MEI4: variants seen among roughly 807,000 people sequenced by gnomAD.
MEI4 encodes meiosis-specific protein MEI4.
In MEI4, 27 loss-of-function variants were observed where a neutral mutation model predicts 31.4. The observed-to-expected ratio is 0.86, with a 90% CI of 0.63 to 1.19. The LOEUF (loss-of-function observed/expected upper bound fraction) is 1.19, where lower values mean the gene tolerates loss of function less well. MEI4 is among the 50% of genes most tolerant of loss of function. MEI4 has a pLI of 0.00. For missense variants in MEI4, 329 were observed against 398.9 expected, an observed-to-expected ratio of 0.82 and a Z score of 1.49; for synonymous variants, 122 against 145.4, an observed-to-expected ratio of 0.84 and a Z score of 1.16.
chr6:77,912,205 A>G (rs1384609666), intron 4 of MEI4, among the ~76,000 whole-genome samples: 1 of 152,060 alleles, frequency 6.6e-6, no homozygotes, highest in African/African-American at 2.4e-5. Context: ...TTATACCAAT[A>G]CTATATTGTT....
chr6:77,865,847 C>A (rs1215424220), intron 4 of MEI4, among the ~76,000 whole-genome samples: 1 of 152,066 alleles, frequency 6.6e-6, no homozygotes, highest in Non-Finnish European at 1.5e-5. Flanking sequence ...ACTGGCAAAC[C>A]GAATCCAGCA....
intron 3 of MEI4, among the ~76,000 whole-genome samples, chr6:77,782,214 A>G (rs1227730437): frequency 1.3e-5 from 2 of 152,008 alleles, no homozygotes; most frequent in African/African-American, 4.8e-5. Flanking sequence ...TAAGGGAGGG[A>G]TGAGAGAAGG....
chr6:77,671,684 G>T (rs1368058826), intron 1 of MEI4, among the ~76,000 whole-genome samples: 1 of 134,268 alleles, frequency 7.4e-6, no homozygotes, highest in Non-Finnish European at 1.6e-5. Context: ...TATCTATAAG[G>T]CCTTTGTCTC....
At chr6:77,669,249 G>A (rs2127645045) in intron 1 of MEI4, among the ~76,000 whole-genome samples, 1 of 152,222 alleles carries the variant, frequency 6.6e-6, no homozygotes, top group East Asian at 1.9e-4. Context: ...ACATACACAT[G>A]TACACTTGAG....
intron 3 of MEI4, among the ~76,000 whole-genome samples, chr6:77,797,302 AC>A (rs2127698551): frequency 6.6e-6 from 1 of 152,338 alleles, no homozygotes; most frequent in South Asian, 2.1e-4. Context: ...TGGATATGAC[AC>A]CAAAGCACAG....
At chr6:77,808,803 G>A (rs974965028) in intron 3 of MEI4, among the ~76,000 whole-genome samples, 6 of 152,190 alleles carry the variant, frequency 3.9e-5, no homozygotes, top group African/African-American at 1.4e-4. Flanking sequence ...AAGAAGTGGA[G>A]CATCAGTAGG....
intron 3 of MEI4, among the ~76,000 whole-genome samples, chr6:77,781,000 C>T (rs9352528): frequency 0.14 from 20,941 of 152,066 alleles, 1,535 homozygotes; most frequent in Middle Eastern, 0.21. Flanking sequence ...GATCCTCTGA[C>T]CTCAGCCTCT....
intron 4 of MEI4, among the ~76,000 whole-genome samples, chr6:77,916,902 A>G (rs1766568456): frequency 1.3e-5 from 2 of 150,802 alleles, no homozygotes; most frequent in Non-Finnish European, 1.5e-5. Flanking sequence ...TATATCTCCC[A>G]ATGCTATCCC....
At chr6:77,716,796 A>ATG in intron 2 of MEI4, 1 of 703,822 alleles carries the variant, frequency 1.4e-6, no homozygotes, top group Non-Finnish European at 1.7e-6. Flanking sequence ...CAAACACTGC[A>ATG]TGTTGTCATG....
chr6:77,768,258 G>A (rs1768223800), intron 3 of MEI4, among the ~76,000 whole-genome samples: 1 of 151,730 alleles, frequency 6.6e-6, no homozygotes, highest in South Asian at 2.1e-4. Flanking sequence ...TTTTTCCTAA[G>A]TGCAAAGGAA....
At chr6:77,654,123 T>G (rs548562678) in intron 1 of MEI4, among the ~76,000 whole-genome samples, 32 of 152,314 alleles carry the variant, frequency 2.1e-4, no homozygotes, top group Non-Finnish European at 4.6e-4. Context: ...GAAATGTGGT[T>G]TATAGAAGCA....
intron 2 of MEI4, among the ~76,000 whole-genome samples, chr6:77,726,787 A>G (rs138333517): frequency 1.3e-5 from 2 of 151,982 alleles, no homozygotes; most frequent in African/African-American, 4.8e-5. Context: ...TAGCAAGGCT[A>G]AAGGGTAAAG....
At chr6:77,769,952 C>T (rs1260689501) in intron 3 of MEI4, among the ~76,000 whole-genome samples, 1 of 151,886 alleles carries the variant, frequency 6.6e-6, no homozygotes, top group East Asian at 2.0e-4. Context: ...GGAGAGACCA[C>T]TTCTGCTTGA....
intron 4 of MEI4, among the ~76,000 whole-genome samples, chr6:77,850,791 C>T (rs1223031144): frequency 1.3e-5 from 2 of 152,122 alleles, no homozygotes; most frequent in Non-Finnish European, 2.9e-5. Context: ...CAAATGGGAT[C>T]TAATTAAACT....
intron 2 of MEI4, among the ~76,000 whole-genome samples, chr6:77,691,981 TA>T (rs1769166025): frequency 1.3e-5 from 2 of 152,042 alleles, no homozygotes; most frequent in African/African-American, 4.8e-5. Context: ...GGCTTTTAAT[TA>T]GGCTTCGCAT....
chr6:77,704,460 T>C (rs749549591), intron 2 of MEI4, among the ~76,000 whole-genome samples: 1 of 152,102 alleles, frequency 6.6e-6, no homozygotes, highest in Non-Finnish European at 1.5e-5. Flanking sequence ...TGGAATGGGG[T>C]TCCTATAGAA....
chr6:77,800,001 C>T (rs1465047618), intron 3 of MEI4, among the ~76,000 whole-genome samples: 1 of 152,026 alleles, frequency 6.6e-6, no homozygotes, highest in Admixed American at 6.6e-5. Context: ...TCCATATGAA[C>T]TTTAAAGTAG....
intron 2 of MEI4, among the ~76,000 whole-genome samples, chr6:77,701,784 GTTTA>G (rs1561951030): frequency 6.6e-6 from 1 of 152,110 alleles, no homozygotes; most frequent in Non-Finnish European, 1.5e-5. Context: ...TTTAGTAAAT[GTTTA>G]TTAATTACAG....
At chr6:77,917,687 G>T (rs1357300807) in intron 4 of MEI4, among the ~76,000 whole-genome samples, 1 of 127,204 alleles carries the variant, frequency 7.9e-6, no homozygotes, top group African/African-American at 3.2e-5. Flanking sequence ...AGATGAGTAG[G>T]TTGCAAAAAT....
Sources: gnomAD v4.1 joint callset for allele counts (sites outside exome capture counted in the v4.1 genomes callset) on GRCh38, gnomAD v4.1.1 for gene constraint, MANE v1.5 for transcripts, NCBI Gene and HGNC (gene_info 2026-07-23, HGNC 2026-07-21) for gene names.